The following SHB variants were observed in gnomAD, a reference collection of about 807,000 sequenced individuals.
SHB encodes SH2 domain containing adaptor protein B, also known as SH2 domain-containing adapter protein B.
In SHB, 20 loss-of-function variants were observed where a neutral mutation model predicts 52.3. The ratio of observed to expected loss-of-function variants is 0.38; its 90% confidence interval spans 0.27 to 0.56. The LOEUF (loss-of-function observed/expected upper bound fraction) is 0.56, where lower values mean the gene tolerates loss of function less well. SHB is among the 20% of genes least tolerant of loss of function. The pLI, the probability that SHB is intolerant of heterozygous loss-of-function variation, is 0.71. For missense variants in SHB, 825 were observed against 723.3 expected, an observed-to-expected ratio of 1.14 and a Z score of -1.61; for synonymous variants, 397 against 316.5, an observed-to-expected ratio of 1.25 and a Z score of -2.70.
intron 5 of SHB, among the ~76,000 whole-genome samples, chr9:37,942,125 T>A (rs1055939043): frequency 5.9e-5 from 9 of 152,356 alleles, no homozygotes; most frequent in African/African-American, 2.2e-4. Flanking sequence ...GCACCCCCAG[T>A]GCCCCTCAGC....
chr9:38,054,192 A>G (rs1821784220), intron 1 of SHB, among the ~76,000 whole-genome samples: 1 of 152,182 alleles, frequency 6.6e-6, no homozygotes, highest in African/African-American at 2.4e-5. Context: ...CCACAGTGGG[A>G]CACACTTGGG....
intron 1 of SHB, among the ~76,000 whole-genome samples, chr9:38,051,731 T>TC: frequency 6.6e-6 from 1 of 152,162 alleles, no homozygotes; most frequent in Non-Finnish European, 1.5e-5. Flanking sequence ...GCAACATTAT[T>TC]CCTAGATCTT....
At chr9:37,974,586 A>C in intron 3 of SHB, 36 bp downstream of exon 3, 1 of 1,576,636 alleles carries the variant, frequency 6.3e-7, no homozygotes, top group Non-Finnish European at 8.7e-7. Flanking sequence ...AGCGCAGCTC[A>C]GCAGCTGCCT....
intron 1 of SHB, among the ~76,000 whole-genome samples, chr9:38,057,213 G>T: frequency 6.6e-6 from 1 of 152,096 alleles, no homozygotes; most frequent in East Asian, 1.9e-4. Flanking sequence ...TTAAATTACA[G>T]TTGTTAAATA....
At chr9:38,047,043 C>G (rs1223514877) in intron 1 of SHB, among the ~76,000 whole-genome samples, 1 of 152,198 alleles carries the variant, frequency 6.6e-6, no homozygotes, top group African/African-American at 2.4e-5. Context: ...CAAGGTTCAA[C>G]GTACCCAAAG....
intron 1 of SHB, among the ~76,000 whole-genome samples, chr9:38,040,247 T>C (rs1023933000): frequency 6.6e-6 from 1 of 152,200 alleles, no homozygotes; most frequent in Non-Finnish European, 1.5e-5. Flanking sequence ...TGGCCTCGAC[T>C]GCGCCACTGG....
At chr9:38,029,222 T>A in intron 1 of SHB, among the ~76,000 whole-genome samples, 1 of 152,280 alleles carries the variant, frequency 6.6e-6, no homozygotes. Flanking sequence ...TGTGAGTAAA[T>A]GCTGGGGGAG....
At chr9:38,047,172 A>C (rs1308537214) in intron 1 of SHB, among the ~76,000 whole-genome samples, 1 of 152,174 alleles carries the variant, frequency 6.6e-6, no homozygotes, top group African/African-American at 2.4e-5. Flanking sequence ...AAAACAGAGA[A>C]GTTTGGCAGG....
At chr9:37,947,009 C>T (rs893928611) in intron 5 of SHB, among the ~76,000 whole-genome samples, 21 of 152,300 alleles carry the variant, frequency 1.4e-4, no homozygotes, top group African/African-American at 4.8e-4. Flanking sequence ...GTGGTGTGCA[C>T]GCCCCCCTGC....
intron 1 of SHB, among the ~76,000 whole-genome samples, chr9:38,032,967 C>G (rs1821435567): frequency 6.6e-6 from 1 of 152,126 alleles, no homozygotes. Context: ...GTACTAAGTG[C>G]TAAAATATGC....
rs946721507 is a variant in SHB, at chr9:37,919,612, G to A, written c.*209C>T. On this transcript the variant is annotated 3_prime_UTR_variant, in exon 6 of 6. Transcript: ENST00000377707. ...GGAGAGGGTGGGGGTGGGGGCTGGG[G>A]TGGTGTGTTGCCGCCCTTCTGTCTT... The A allele has an allele frequency of 1.3e-5, 6 of 479,408 alleles. No homozygotes were observed. Among genetic ancestry groups the A allele is most frequent in the Non-Finnish European group, 1.9e-5 (5 of 269,536 alleles). The allele number at this position is 479,408 out of a possible 1,614,324, so 29.7% of individuals were successfully genotyped here.
At chr9:38,014,534 T>A (rs904729374) in intron 2 of SHB, among the ~76,000 whole-genome samples, 2 of 152,204 alleles carry the variant, frequency 1.3e-5, no homozygotes, top group African/African-American at 4.8e-5. Flanking sequence ...CTGCCTTCCC[T>A]CAGGACCCCA....
chr9:38,045,799 T>C lies in SHB; in HGVS notation c.717+22130A>G, dbSNP rs1380746265. On this transcript the variant is annotated intron_variant, in intron 1 of 5. Coordinates refer to ENST00000377707, the MANE Select transcript of SHB (RefSeq NM_003028.3). The stretch of plus-strand genomic sequence containing the variant: ...GGGCAACTTCTGTGCAATGTAAAGA[T>C]TGATTAAAGATCTTCTAGCGTGTCT... Among the ~76,000 whole-genome samples, 8 of 152,210 alleles carry C rather than the reference T, an allele frequency of 5.3e-5. No individual in the cohort carries two copies. The East Asian group carries it at 1.3e-3, about 26-fold the overall frequency.
At chr9:37,946,907 A>G (rs1273664799) in intron 5 of SHB, among the ~76,000 whole-genome samples, 1 of 151,820 alleles carries the variant, frequency 6.6e-6, no homozygotes, top group East Asian at 2.0e-4. Context: ...GGCTGGTGAC[A>G]CTTGAGTCCT....
intron 3 of SHB, among the ~76,000 whole-genome samples, chr9:37,973,549 C>T (rs1366712198): frequency 3.3e-5 from 5 of 152,202 alleles, no homozygotes; most frequent in African/African-American, 1.2e-4. Context: ...ATAACTTTGG[C>T]ACAGATTCTA....
chr9:37,958,541 G>A (rs1832660412), intron 3 of SHB, among the ~76,000 whole-genome samples: 1 of 152,220 alleles, frequency 6.6e-6, no homozygotes, highest in African/African-American at 2.4e-5. Flanking sequence ...GAGGCAGAGT[G>A]AGGACTCGCT....
intron 1 of SHB, among the ~76,000 whole-genome samples, chr9:38,043,500 T>C (rs1821607240): frequency 6.6e-6 from 1 of 152,238 alleles, no homozygotes; most frequent in African/African-American, 2.4e-5. Flanking sequence ...CACCTTTAGA[T>C]GGGAGAGAAA....
intron 1 of SHB, among the ~76,000 whole-genome samples, chr9:38,018,532 TGTTA>T (rs1197802714): frequency 6.6e-6 from 1 of 151,930 alleles, no homozygotes; most frequent in East Asian, 1.9e-4. Flanking sequence ...TCTAGAATTC[TGTTA>T]GTTTAAGAAG....
intron 3 of SHB, among the ~76,000 whole-genome samples, chr9:37,966,952 C>A (rs945347429): frequency 2.0e-5 from 3 of 152,200 alleles, no homozygotes; most frequent in African/African-American, 7.2e-5. Context: ...GGTATGGGTG[C>A]AACTGCTTCT....
Sources: gnomAD v4.1 joint callset for allele counts (sites outside exome capture counted in the v4.1 genomes callset) on GRCh38, gnomAD v4.1.1 for gene constraint, MANE v1.5 for transcripts, NCBI Gene and HGNC (gene_info 2026-07-23, HGNC 2026-07-21) for gene names.